The following SLC16A12 variants were observed in gnomAD, a reference collection of about 807,000 sequenced individuals.
The protein encoded by SLC16A12 is solute carrier family 16 member 12.
SLC16A12 carries 17 observed loss-of-function variants against 42.4 expected under a neutral mutation model. That is an observed-to-expected ratio of 0.40 (90% confidence interval 0.27 to 0.60). The LOEUF is 0.60. SLC16A12 is among the 20% of genes least tolerant of loss of function. The pLI is 0.42. For missense variants in SLC16A12, 544 were observed against 623.0 expected, an observed-to-expected ratio of 0.87 and a Z score of 1.35; for synonymous variants, 224 against 229.4, an observed-to-expected ratio of 0.98 and a Z score of 0.21.
At chr10:89,507,070 G>A (rs373375382) in intron 2 of SLC16A12, among the ~76,000 whole-genome samples, 1 of 152,098 alleles carries the variant, frequency 6.6e-6, no homozygotes, top group African/African-American at 2.4e-5. Context: ...AGAAATATGG[G>A]ACTATGTGAA....
intron 2 of SLC16A12, among the ~76,000 whole-genome samples, chr10:89,527,157 G>A (rs1843466733): frequency 6.6e-6 from 1 of 152,096 alleles, no homozygotes; most frequent in Non-Finnish European, 1.5e-5. Flanking sequence ...ATCTCCATGA[G>A]CATTAAAACC....
chr10:89,433,673 A>G (rs1470696471), intron 7 of SLC16A12, among the ~76,000 whole-genome samples: 3 of 152,226 alleles, frequency 2.0e-5, no homozygotes, highest in Non-Finnish European at 2.9e-5. Context: ...TAATTTACCT[A>G]GGGTGTTAAG....
At chr10:89,504,625 C>T (rs1306172332) in intron 2 of SLC16A12, among the ~76,000 whole-genome samples, 1 of 152,090 alleles carries the variant, frequency 6.6e-6, no homozygotes, top group Non-Finnish European at 1.5e-5. Flanking sequence ...ACAGAATATA[C>T]AGTGTTACAG....
At chr10:89,517,938 T>G (rs966929845) in intron 2 of SLC16A12, among the ~76,000 whole-genome samples, 2 of 152,152 alleles carry the variant, frequency 1.3e-5, no homozygotes, top group African/African-American at 2.4e-5. Context: ...CAATCACATC[T>G]TATTTCAGAA....
chr10:89,436,410 G>A (rs1841787686), intron 6 of SLC16A12, 91 bp from the exon 7 acceptor site: 3 of 1,475,070 alleles, frequency 2.0e-6, no homozygotes, highest in South Asian at 2.3e-5. Flanking sequence ...AAGCATTGCA[G>A]TTATTTACAG....
In SLC16A12 at chr10:89,438,877, AC is replaced by A; in HGVS notation, c.754del (p.Val252CysfsTer7). On this transcript the variant is annotated frameshift_variant, in exon 6 of 8. Coordinates refer to ENST00000371790, the MANE Select transcript of SLC16A12 (RefSeq NM_213606.4). LOFTEE classifies it high-confidence loss of function. ...CRTQKEDIKR[V>X]SPYSSLTKEW... ...TTTGGTCAAAGATGAATAGGGAGAC[AC>A]CCGCTTAATGTCTTCTTTCTGAGTT... The A allele has an allele frequency of 1.2e-6, 2 of 1,611,758 alleles. No individual in the cohort carries two copies. The highest frequency in any genetic ancestry group is 1.7e-6 in the Non-Finnish European group (2 of 1,179,098).
Position 89,433,284 on chromosome 10 carries a change from A to G in SLC16A12, c.1331T>C (p.Leu444Pro). The change falls in exon 8 of 8, where the codon CTC becomes CCC. Residue 444 changes from leucine to proline, a missense_variant. Leu to Pro is a moderately conservative substitution (Grantham distance 98). Coordinates refer to ENST00000371790, the MANE Select transcript of SLC16A12 (RefSeq NM_213606.4). ...AAATATCATTGAAAATCCACAGAGG[A>G]GGAATGCTGCAGTGTAGCTGCCGGT... ...DTTGSYTAAF[L>P]LCGFSMIFSS... 6.2e-7 allele frequency: 1 copy of G among 1,614,212 alleles called. No individual in the cohort carries two copies. Among genetic ancestry groups the G allele is most frequent in the Non-Finnish European group, 8.5e-7 (1 of 1,180,036 alleles).
chr10:89,549,564 T>C (rs1425206055), intron 2 of SLC16A12, among the ~76,000 whole-genome samples: 1 of 152,200 alleles, frequency 6.6e-6, no homozygotes, highest in Non-Finnish European at 1.5e-5. Context: ...TGGAGAAGCA[T>C]AAAGTGAAAA....
At chr10:89,486,292 CAA>C (rs971878376) in intron 2 of SLC16A12, among the ~76,000 whole-genome samples, 1 of 152,066 alleles carries the variant, frequency 6.6e-6, no homozygotes, top group Admixed American at 6.6e-5. Context: ...AAAAAGACCA[CAA>C]AGATTGAGAA....
intron 2 of SLC16A12, among the ~76,000 whole-genome samples, chr10:89,467,622 G>A (rs1842424678): frequency 6.6e-6 from 1 of 152,150 alleles, no homozygotes; most frequent in South Asian, 2.1e-4. Context: ...CTTTGTGAGG[G>A]AAGCTATGTA....
intron 3 of SLC16A12, among the ~76,000 whole-genome samples, chr10:89,444,199 G>C (rs1013094089): frequency 6.6e-6 from 1 of 152,100 alleles, no homozygotes. Flanking sequence ...ATTAAGATTT[G>C]ACAATAAAGA....
In SLC16A12 at chr10:89,433,073, G is replaced by A. The variant is rs151275788; in HGVS notation, c.1542C>T (p.Ser514=). Residue 514 remains serine, a synonymous_variant, in exon 8 of 8, where the codon AGC becomes AGT. Transcript: ENST00000371790. ...GGCTCAAGGCCTTTGGTCATGTGAG[G>A]CTGTAGCCAGGCACTGCTGTAGCCA... ...EPVATAVPGY[S]LT 6.2e-7 allele frequency: 1 copy of A among 1,614,032 alleles called. No individual in the cohort carries two copies. The highest frequency in any genetic ancestry group is 1.1e-5 in the South Asian group (1 of 91,072).
At chr10:89,512,223 G>A (rs1022631297) in intron 2 of SLC16A12, among the ~76,000 whole-genome samples, 3 of 152,162 alleles carry the variant, frequency 2.0e-5, no homozygotes, top group African/African-American at 7.2e-5. Flanking sequence ...TTCTGGAGAT[G>A]GATGGTGGTG....
chr10:89,462,423 C>T lies in SLC16A12; in HGVS notation c.156G>A (p.Val52=), dbSNP rs759653333. 1.2e-6 allele frequency: 2 copies of T among 1,614,058 alleles called. No individual in the cohort carries two copies. Among genetic ancestry groups the T allele is most frequent in the Non-Finnish European group, 1.7e-6 (2 of 1,179,954 alleles). Residue 52 remains valine (V), a synonymous_variant, in exon 3 of 8, where the codon GTG becomes GTA. Coordinates refer to ENST00000371790, the MANE Select transcript of SLC16A12 (RefSeq NM_213606.4). ...PPDGGWGWMI[V]AGCFLVTICT... The stretch of plus-strand genomic sequence containing the variant: ...AGATGGTAACAAGGAAACAGCCAGC[C>T]ACAATCATCCAGCCCCAGCCTCCAT...
intron 2 of SLC16A12, among the ~76,000 whole-genome samples, chr10:89,552,828 G>T (rs1169679567): frequency 6.6e-6 from 1 of 152,214 alleles, no homozygotes; most frequent in Non-Finnish European, 1.5e-5. Flanking sequence ...CGGAGTGTCA[G>T]TTTTACACCG....
At chr10:89,530,619 C>T (rs2133869382) in intron 2 of SLC16A12, among the ~76,000 whole-genome samples, 1 of 152,148 alleles carries the variant, frequency 6.6e-6, no homozygotes, top group East Asian at 1.9e-4. Flanking sequence ...CGGGGTTTCA[C>T]CGTGTTAGCC....
intron 3 of SLC16A12, among the ~76,000 whole-genome samples, chr10:89,460,730 G>A (rs1307105948): frequency 7.0e-6 from 1 of 142,884 alleles, no homozygotes; most frequent in Non-Finnish European, 1.5e-5. Flanking sequence ...GAGCAACAGA[G>A]GGAGACACTG....
chr10:89,528,923 G>A (rs1243011800), intron 2 of SLC16A12, among the ~76,000 whole-genome samples: 1 of 152,256 alleles, frequency 6.6e-6, no homozygotes, highest in African/African-American at 2.4e-5. Context: ...CTGATTTATG[G>A]ATACTAGGTT....
At chr10:89,548,648 T>A (rs536905871) in intron 2 of SLC16A12, among the ~76,000 whole-genome samples, 74 of 152,242 alleles carry the variant, frequency 4.9e-4, no homozygotes, top group African/African-American at 1.7e-3. Context: ...AAACCCCATC[T>A]CTACTAAAAA....
Sources: allele counts gnomAD v4.1 joint callset (sites outside exome capture counted in the v4.1 genomes callset), GRCh38; gene constraint gnomAD v4.1.1; transcripts MANE v1.5; gene names NCBI Gene and HGNC (gene_info 2026-07-23, HGNC 2026-07-21).